Variants in ZNF462 observed in about 807,000 individuals in gnomAD.
ZNF462 encodes the protein zinc finger PBX1-interacting protein.
ZNF462 carries 10 observed loss-of-function variants against 201.9 expected under a neutral mutation model. The ratio of observed to expected loss-of-function variants is 0.05; its 90% CI spans 0.03 to 0.08. The LOEUF (loss-of-function observed/expected upper bound fraction) is 0.08. Among genes scored for constraint, ZNF462 ranks in the 10% least tolerant of loss-of-function variants. The probability of loss-of-function intolerance (pLI) is 1.00; values close to 1 mark genes in which losing one functional copy is unlikely to be tolerated. For synonymous variants in ZNF462, 1,227 were observed against 1,193.3 expected (o/e 1.03, Z -0.58); for missense variants, 2,523 against 3,168.3 (o/e 0.80, Z 4.89).
At position 106,993,952 on chromosome 9, in the gene ZNF462, A is replaced by C. The variant is rs769789681; in HGVS notation, c.7057-9342A>C. 6.6e-6 allele frequency among the ~76,000 whole-genome samples: 1 copy of C among 152,110 alleles called. No individual in the cohort carries two copies. Among genetic ancestry groups the C allele is most frequent in the Non-Finnish European group, 1.5e-5 (1 of 67,996 alleles). On this transcript the variant is annotated intron_variant, in intron 10 of 12. Transcript: ENST00000277225. This position sits in a 1 kb window ranked among gnomAD's most constrained non-coding sequence, Gnocchi z 4.0. ...GAACCTTAAAGTCATGAAGAAAAAC[A>C]AACCTTGCACTTCTCACATTTAAAA...
At chr9:106,868,074 G>GAAAAAAAA (rs5899719) in intron 1 of ZNF462, among the ~76,000 whole-genome samples, 1 of 145,508 alleles carries the variant, frequency 6.9e-6, no homozygotes. Context: ...CCAGTGAACT[G>GAAAAAAAA]AAAAAAAAAA....
chr9:106,863,137 G>A (rs1184078270), upstream of ZNF462: 4 of 398,524 alleles, frequency 1.0e-5, no homozygotes, highest in African/African-American at 6.2e-5. Context: ...GGAGAGAGAC[G>A]GATATCTCAG....
At chr9:106,985,656 T>C (rs116108965) in intron 10 of ZNF462, among the ~76,000 whole-genome samples, 1,872 of 152,318 alleles carry the variant, frequency 0.012, 52 homozygotes, top group African/African-American at 0.041. Context: ...CTTTTGATAT[T>C]GTTTGCTTTT....
intron 10 of ZNF462, among the ~76,000 whole-genome samples, chr9:106,996,358 A>G (rs540790470): frequency 6.6e-6 from 1 of 152,316 alleles, no homozygotes; most frequent in African/African-American, 2.4e-5. Flanking sequence ...GTCAAATGGT[A>G]CTTCTAGTTC....
At position 106,905,814 on chromosome 9, in the gene ZNF462, A is replaced by G. The variant is rs774931411; in HGVS notation, c.-30-17540A>G. Among the ~76,000 whole-genome samples, 5 of 152,156 alleles carry G rather than the reference A, an allele frequency of 3.3e-5. No homozygotes were observed. The South Asian group carries it at 1.0e-3, about 32-fold the overall frequency. ...TGGGCTTGAAAATTTCTCTGAGGCT[A>G]CGCACCTCCCAGCTGCGAGAAAAAA... On this transcript the variant is annotated intron_variant, in intron 1 of 12. Transcript: ENST00000277225. This position sits in a 1 kb window ranked among gnomAD's most constrained non-coding sequence, Gnocchi z 5.9.
At chr9:106,999,030 A>C (rs935875219) in intron 10 of ZNF462, among the ~76,000 whole-genome samples, 1 of 152,168 alleles carries the variant, frequency 6.6e-6, no homozygotes, top group African/African-American at 2.4e-5. Flanking sequence ...ATCTGCATAT[A>C]GGTTTCTAGT....
rs772715515 is a variant in ZNF462 at position 106,926,801 on chromosome 9, C to T, written c.2889C>T (p.Val963=). 8.7e-6 allele frequency: 14 copies of T among 1,614,026 alleles called. No homozygotes were observed. The African/African-American group carries it at 9.3e-5, about 11-fold the overall frequency. ...ACGCGATGATATTTTCAAGCTATGT[C>T]GTGGAGCAGCAGGAAGGGCTGAATA... ...INNAMIFSSY[V]VEQQEGLNTE... is the part of the protein sequence containing the mutation. The change falls in exon 3 of 13, where the codon GTC becomes GTT. Residue 963 remains valine, a synonymous_variant. Transcript: ENST00000277225. This position sits in a 1 kb window ranked among gnomAD's most constrained non-coding sequence, Gnocchi z 7.9.
upstream of ZNF462, among the ~76,000 whole-genome samples, chr9:106,862,059 T>C (rs1827082645): frequency 6.6e-6 from 1 of 152,102 alleles, no homozygotes; most frequent in African/African-American, 2.4e-5. This position sits in a 1 kb window ranked among gnomAD's most constrained non-coding sequence, Gnocchi z 4.2. Flanking sequence ...AATGATGGGC[T>C]CTTTTCCTCC....
In ZNF462 at chr9:106,927,773, C is replaced by A. The variant is rs554333409; in HGVS notation, c.3861C>A (p.Asp1287Glu). ...CACTGAGGAAGCATATCAAGAAAGACCACCCCGCCCTGAAAGCCACAGTCA... is the reference window on the plus strand; with the variant it reads ...CACTGAGGAAGCATATCAAGAAAGAACACCCCGCCCTGAAAGCCACAGTCA... ...FYALRKHIKK[D>E]HPALKATVTS... Residue 1287 changes from aspartate to glutamate, a missense_variant, in exon 3 of 13, where the codon GAC (aspartate) becomes GAA (glutamate). By Grantham distance (45) the Asp-to-Glu change is conservative (BLOSUM62 2). This residue lies in a region of ZNF462 where 222 missense variants were observed against 271.6 expected (regional missense o/e 0.82). Coordinates refer to ENST00000277225, the MANE Select transcript of ZNF462 (RefSeq NM_021224.6). 6.2e-7 allele frequency: 1 copy of A among 1,614,120 alleles called. No homozygotes were observed. Among genetic ancestry groups the A allele is most frequent in the East Asian group, 2.2e-5 (1 of 44,870 alleles).
rs953686742 is a variant in ZNF462 at position 107,008,977 on chromosome 9, A to G, written c.7190-568A>G. On this transcript the variant is annotated intron_variant, in intron 11 of 12. Coordinates refer to ENST00000277225, the MANE Select transcript of ZNF462 (RefSeq NM_021224.6). The surrounding 1 kb of genome is among the most constrained non-coding windows in gnomAD (Gnocchi z 4.8). ...GATTCTTCGCTTGCAGATCTCATTC[A>G]GTGCACATAACCGCCCTGTAAGGTA... is the stretch of plus-strand genomic sequence containing the variant. 6.6e-6 allele frequency among the ~76,000 whole-genome samples: 1 copy of G among 152,194 alleles called. No homozygotes were observed. Among genetic ancestry groups the G allele is most frequent in the Non-Finnish European group, 1.5e-5 (1 of 68,038 alleles).
chr9:106,916,429 C>T (rs968340197), intron 1 of ZNF462, among the ~76,000 whole-genome samples: 2 of 152,230 alleles, frequency 1.3e-5, no homozygotes, highest in Admixed American at 6.5e-5. Context: ...AGCATATCTG[C>T]AACTTCCCTT....
At chr9:106,863,111 G>GGAGA (rs138922616), upstream of ZNF462, 29 of 378,960 alleles carry the variant, frequency 7.7e-5, no homozygotes, top group Non-Finnish European at 1.2e-4. Context: ...AGGGAGGGAG[G>GGAGA]GAGAGAGAGA....
At chr9:106,931,678 C>T (rs200818604) in intron 4 of ZNF462, among the ~76,000 whole-genome samples, 1 of 152,122 alleles carries the variant, frequency 6.6e-6, no homozygotes, top group Non-Finnish European at 1.5e-5. Context: ...TAATCAGTAA[C>T]CCAAGGAGCT....
chr9:106,899,094 T>C (rs1191722237), intron 1 of ZNF462, among the ~76,000 whole-genome samples: 1 of 151,916 alleles, frequency 6.6e-6, no homozygotes, highest in Non-Finnish European at 1.5e-5. Flanking sequence ...TTGTCAAGGA[T>C]TCATGTAGCT....
chr9:106,864,195 G>C (rs566629227), intron 1 of ZNF462, among the ~76,000 whole-genome samples: 59 of 151,212 alleles, frequency 3.9e-4, no homozygotes, highest in Non-Finnish European at 7.2e-4. Flanking sequence ...CTGGTGAACA[G>C]AGAGGCGAGG....
At position 106,929,801 on chromosome 9, in the gene ZNF462, C is replaced by T. The variant is rs1414424517; in HGVS notation, c.5847+42C>T. On this transcript the variant is annotated intron_variant, in intron 3 of 12. Coordinates refer to ENST00000277225, the MANE Select transcript of ZNF462 (RefSeq NM_021224.6). The surrounding 1 kb of genome is among the most constrained non-coding windows in gnomAD (Gnocchi z 8.7). ...ATTTCCCTTCCCCCAGGAGGCCTCT[C>T]ATCACTGGTGCCCACATGCACTTCT... 1.3e-6 allele frequency: 2 copies of T among 1,544,684 alleles called. No individual in the cohort carries two copies. Among genetic ancestry groups the T allele is most frequent in the Non-Finnish European group, 8.8e-7 (1 of 1,136,446 alleles).
intron 1 of ZNF462, among the ~76,000 whole-genome samples, chr9:106,894,649 A>G (rs1288237778): frequency 6.6e-6 from 1 of 152,202 alleles, no homozygotes; most frequent in Non-Finnish European, 1.5e-5. Flanking sequence ...AAGGTTTTCT[A>G]GGTCTGTGCT....
intron 10 of ZNF462, among the ~76,000 whole-genome samples, chr9:106,988,464 A>G (rs1238678437): frequency 6.6e-6 from 1 of 152,008 alleles, no homozygotes; most frequent in Non-Finnish European, 1.5e-5. Context: ...GAGCTGAACC[A>G]TATCAGTGAT....
At chr9:106,943,848 A>G (rs1830992528) in intron 7 of ZNF462, among the ~76,000 whole-genome samples, 1 of 152,176 alleles carries the variant, frequency 6.6e-6, no homozygotes, top group Admixed American at 6.6e-5. Context: ...ACCAAATTAC[A>G]CAGGCTGAGT....
Sources: gnomAD v4.1 joint callset for allele counts (sites outside exome capture counted in the v4.1 genomes callset) on GRCh38, gnomAD v4.1.1 for gene constraint, gnomAD v4.1.1 regional missense constraint, Gnocchi (gnomAD v3.1) non-coding constraint, MANE v1.5 for transcripts, NCBI Gene and HGNC (gene_info 2026-07-23, HGNC 2026-07-21) for gene names.